Variants in ZNF536 observed in about 807,000 individuals in gnomAD.
The protein encoded by ZNF536 is zinc finger protein 536.
Under a neutral mutation model 84.5 loss-of-function variants are expected in ZNF536, and 13 were observed. The observed-to-expected ratio is 0.15, with a 90% CI of 0.10 to 0.24. ZNF536 has a LOEUF of 0.24. Ranked by LOEUF, ZNF536 falls within the 10% of genes least tolerant of loss-of-function variation. ZNF536 has a pLI of 1.00. For missense variants in ZNF536, 1,536 were observed against 1,747.5 expected (o/e 0.88, Z 2.16); for synonymous variants, 811 against 742.5 (o/e 1.09, Z -1.50).
At chr19:30,547,757 C>T (rs1012191228) in intron 3 of ZNF536, among the ~76,000 whole-genome samples, 186 bp from the exon 4 acceptor site, 1 of 151,648 alleles carries the variant, frequency 6.6e-6, no homozygotes, top group African/African-American at 2.4e-5. Context: ...TGAATAGTCC[C>T]AAATGGTACA....
chr19:30,301,203 G>A (rs552291726), intron 2 of ZNF536, among the ~76,000 whole-genome samples: 49 of 152,236 alleles, frequency 3.2e-4, no homozygotes, highest in African/African-American at 1.2e-3. Flanking sequence ...GGTGACGTGC[G>A]GGTTCTCAGC....
chr19:30,263,683 C>G (rs896654964), intron 1 of ZNF536, among the ~76,000 whole-genome samples: 4 of 152,186 alleles, frequency 2.6e-5, no homozygotes, highest in Admixed American at 2.6e-4. Context: ...GCTACTCATT[C>G]TGTTGCAAGA....
intron 1 of ZNF536, among the ~76,000 whole-genome samples, chr19:30,623,156 C>T (rs1417764607): frequency 6.6e-6 from 1 of 150,942 alleles, no homozygotes; most frequent in East Asian, 2.0e-4. Flanking sequence ...TCCATTCCAA[C>T]AGCAAATCTG....
intron 1 of ZNF536, among the ~76,000 whole-genome samples, chr19:30,385,144 G>A (rs1482779447): frequency 6.6e-6 from 1 of 151,964 alleles, no homozygotes; most frequent in African/African-American, 2.4e-5. Flanking sequence ...TGCAGCAGCT[G>A]CCCCAGGCAT....
chr19:30,658,320 C>T (rs1225418081), intron 1 of ZNF536, among the ~76,000 whole-genome samples: 1 of 152,130 alleles, frequency 6.6e-6, no homozygotes, highest in Admixed American at 6.5e-5. Context: ...CCGTGCCTGG[C>T]CTTTCTGTTC....
chr19:30,673,481 T>C (rs1317844800), intron 1 of ZNF536, among the ~76,000 whole-genome samples: 1 of 152,202 alleles, frequency 6.6e-6, no homozygotes, highest in African/African-American at 2.4e-5. Context: ...ATTTTCCTTT[T>C]GTAGACGGGT....
At chr19:30,493,033 T>A (rs1378084741) in intron 2 of ZNF536, among the ~76,000 whole-genome samples, 3 of 152,014 alleles carry the variant, frequency 2.0e-5, no homozygotes, top group Non-Finnish European at 4.4e-5. Flanking sequence ...GTCTGCAGTA[T>A]TTTTTTAAAG....
chr19:30,226,673 GAAAT>G (rs891616019), upstream of ZNF536, among the ~76,000 whole-genome samples: 2 of 152,116 alleles, frequency 1.3e-5, no homozygotes, highest in African/African-American at 2.4e-5. The surrounding 1 kb of genome is among the most constrained non-coding windows in gnomAD (Gnocchi z 4.6). Context: ...GGCCAAAGAG[GAAAT>G]AAATAAATAA....
chr19:30,403,146 T>A (rs2050124776), intron 1 of ZNF536, among the ~76,000 whole-genome samples: 1 of 152,144 alleles, frequency 6.6e-6, no homozygotes, highest in African/African-American at 2.4e-5. Flanking sequence ...TTGCTTAAAA[T>A]GGCATCAATA....
At chr19:30,701,191 TCA>T (rs56314262) in intron 1 of ZNF536, among the ~76,000 whole-genome samples, 6,612 of 149,942 alleles carry the variant, frequency 0.044, 308 homozygotes, top group African/African-American at 0.12. Context: ...TATCTCACTC[TCA>T]CACACACACA....
intron 2 of ZNF536, among the ~76,000 whole-genome samples, chr19:30,530,473 A>G (rs887651808): frequency 1.3e-5 from 2 of 152,024 alleles, no homozygotes; most frequent in Admixed American, 6.6e-5. Context: ...CAGTCTCCCA[A>G]GTAGCTGGGA....
In ZNF536 at chr19:30,549,477, A is replaced by G. The variant is rs2045692653; in HGVS notation, c.3858A>G (p.Thr1286=). 2.6e-6 allele frequency: 4 copies of G among 1,518,074 alleles called. No individual in the cohort carries two copies. Among genetic ancestry groups the G allele is most frequent in the Non-Finnish European group, 3.5e-6 (4 of 1,133,706 alleles). The allele number at this position is 1,518,074 out of a possible 1,614,324, so 94.0% of individuals were successfully genotyped here. The change falls in exon 4 of 5, where the codon ACA becomes ACG. Residue 1286 remains threonine, a synonymous_variant. Transcript: ENST00000355537. The part of the protein sequence containing the change: ...LAAFNGLASS[T]ANSGCIKRPD... ...CCTTTAACGGACTTGCAAGTAGCAC[A>G]GCAAATTCTGGATGTATCAAGAGGC...
At position 30,445,225 on chromosome 19, in the gene ZNF536, G is replaced by C. The variant is rs754516880; in HGVS notation, c.1663G>C (p.Ala555Pro). The C allele has an allele frequency of 6.2e-7, 1 of 1,614,074 alleles. No individual in the cohort carries two copies. The highest frequency in any genetic ancestry group is 2.2e-5 in the East Asian group (1 of 44,868). ...QRNHEDTLAN[A>P]GVLFDKEKRE... ...CAACCACGAAGACACTTTGGCAAACGCCGGGGTTCTGTTTGATAAGGAGAA... is the reference window on the plus strand; with the variant it reads ...CAACCACGAAGACACTTTGGCAAACCCCGGGGTTCTGTTTGATAAGGAGAA... Residue 555 changes from alanine to proline, a missense_variant, in exon 2 of 5, where the codon GCC becomes CCC. Ala to Pro is a conservative substitution (Grantham distance 27). This residue lies in a region of ZNF536 where 366 missense variants were observed against 364.4 expected (regional missense o/e 1.00). Transcript: ENST00000355537. This position sits in a 1 kb window ranked among gnomAD's most constrained non-coding sequence, Gnocchi z 4.5.
At position 30,614,942 on chromosome 19, in the gene ZNF536, A is replaced by ATTTTTTTTTTTTTTTTTTTTTTT; in HGVS notation, c.169+65450_169+65451insTTTTTTTTTTTTTTTTTTTTTTT. 5.0e-4 allele frequency among the ~76,000 whole-genome samples: 16 copies of ATTTTTTTTTTTTTTTTTTTTTTT among 32,312 alleles called. 5 individuals carry two copies. Among genetic ancestry groups the ATTTTTTTTTTTTTTTTTTTTTTT allele is most frequent in the Non-Finnish European group, 5.2e-4 (9 of 17,190 alleles). 21.2% of individuals were successfully genotyped at this position (32,312 alleles called of 152,430 possible). ...TTTTCTTTTATTCTCCCCCTTTTCA[A>ATTTTTTTTTTTTTTTTTTTTTTT]TTTTTTTTTTTTTTTTTTTTTTGAG... On this transcript the variant is annotated intron_variant, in intron 1 of 1. Coordinates refer to the ZNF536 transcript ENST00000592773.
chr19:30,242,657 T>C (rs1479284132), intron 1 of ZNF536, among the ~76,000 whole-genome samples: 1 of 152,166 alleles, frequency 6.6e-6, no homozygotes, highest in African/African-American at 2.4e-5. Context: ...TCCCCAACTC[T>C]TCATCACAAA....
chr19:30,522,766 A>G (rs1179478598), intron 2 of ZNF536, among the ~76,000 whole-genome samples: 1 of 152,202 alleles, frequency 6.6e-6, no homozygotes, highest in Non-Finnish European at 1.5e-5. Flanking sequence ...AAATCCAAAT[A>G]AAATTACTCT....
At chr19:30,594,645 G>A (rs2047390606) in intron 1 of ZNF536, among the ~76,000 whole-genome samples, 1 of 152,098 alleles carries the variant, frequency 6.6e-6, no homozygotes, top group African/African-American at 2.4e-5. Flanking sequence ...GAGAGAGGCA[G>A]GGGGCACACC....
intron 1 of ZNF536, among the ~76,000 whole-genome samples, chr19:30,413,515 T>C (rs2050583657): frequency 6.6e-6 from 1 of 152,258 alleles, no homozygotes; most frequent in African/African-American, 2.4e-5. Flanking sequence ...CTGTAATACA[T>C]GTAACATTTT....
intron 3 of ZNF536, among the ~76,000 whole-genome samples, chr19:30,353,605 C>T (rs560671600): frequency 5.9e-5 from 9 of 152,232 alleles, no homozygotes; most frequent in South Asian, 4.2e-4. Flanking sequence ...TTCCGGGCCC[C>T]GGGCTTCCAG....
Sources: gnomAD v4.1 joint callset for allele counts (sites outside exome capture counted in the v4.1 genomes callset) on GRCh38, gnomAD v4.1.1 for gene constraint, gnomAD v4.1.1 regional missense constraint, Gnocchi (gnomAD v3.1) non-coding constraint, MANE v1.5 for transcripts, NCBI Gene and HGNC (gene_info 2026-07-23, HGNC 2026-07-21) for gene names.